Variants in PLA2G4C observed in about 807,000 individuals in gnomAD.
PLA2G4C encodes the protein phospholipase A2 group IVC, also known as cytosolic phospholipase A2 gamma.
PLA2G4C carries 64 observed loss-of-function variants against 73.8 expected under a neutral mutation model. That is an observed-to-expected ratio of 0.87 (90% CI 0.71 to 1.07). The LOEUF (loss-of-function observed/expected upper bound fraction) is 1.07. PLA2G4C is among the 50% of genes least tolerant of loss of function. The pLI, the probability that PLA2G4C is intolerant of heterozygous loss-of-function variation, is 0.00. For missense variants in PLA2G4C, 622 were observed against 665.4 expected (o/e 0.93, Z 0.72); for synonymous variants, 254 against 252.1 (o/e 1.01, Z -0.07).
intron 14 of PLA2G4C, among the ~76,000 whole-genome samples, chr19:48,057,774 G>A (rs553796281): frequency 1.1e-4 from 16 of 151,084 alleles, no homozygotes; most frequent in African/African-American, 3.6e-4. Flanking sequence ...ACAGGTGTGA[G>A]CCACCGCACC....
intron 8 of PLA2G4C, among the ~76,000 whole-genome samples, chr19:48,089,054 T>C (rs405967): frequency 0.093 from 14,166 of 152,232 alleles, 1,405 homozygotes; most frequent in African/African-American, 0.25. Flanking sequence ...CACCTTTAGT[T>C]AGCCATTTGG....
At chr19:48,061,649 G>A (rs993298160) in intron 14 of PLA2G4C, 9 of 229,434 alleles carry the variant, frequency 3.9e-5, no homozygotes, top group African/African-American at 7.0e-5. Flanking sequence ...ACACGCGCTC[G>A]GGGCTGGAGA....
rs374192040 is a variant in PLA2G4C at position 48,054,827 on chromosome 19, G to A, written c.1429+51C>T. ...TCAGGTATGTTTTTATTAGCAGTGT[G>A]AGCATGGACTAATACAGGTGGCTTC... On this transcript the variant is annotated intron_variant, in intron 15 of 16. Coordinates refer to ENST00000599921, the MANE Select transcript of PLA2G4C (RefSeq NM_003706.3). 8 of 1,504,930 alleles carry A rather than the reference G, an allele frequency of 5.3e-6. No individual in the cohort carries two copies. The African/African-American group carries it at 8.3e-5, about 16-fold the overall frequency. The allele number at this position is 1,504,930 out of a possible 1,614,324, so 93.2% of individuals were successfully genotyped here. A position where few individuals can be genotyped will look rare whatever the true frequency, so the allele number is the denominator to read the frequency against.
intron 8 of PLA2G4C, 123 bp from the exon 9 acceptor site, chr19:48,088,835 A>C (rs11564553): frequency 0.034 from 25,560 of 755,090 alleles, 543 homozygotes; most frequent in African/African-American, 0.052. Flanking sequence ...ATGGGCTCCA[A>C]TGGCAGCCAA....
At position 48,072,939 on chromosome 19, in the gene PLA2G4C, G is replaced by A. The variant is rs767144702; in HGVS notation, c.1006+1828C>T. 2 of 152,204 alleles carry A rather than the reference G, an allele frequency of 1.3e-5. No homozygotes were observed. Among genetic ancestry groups the A allele is most frequent in the Non-Finnish European group, 2.9e-5 (2 of 68,058 alleles). 9.4% of individuals were successfully genotyped at this position (152,204 alleles called of 1,614,324 possible). ...CCTGGGTCATCTCAGGAAGGCAGTG[G>A]CTTCAGCGACCAACTGTCTTCATTG... On this transcript the variant is annotated intron_variant, in intron 12 of 16. Coordinates refer to ENST00000599921, the MANE Select transcript of PLA2G4C (RefSeq NM_003706.3). This position sits in a 1 kb window ranked among gnomAD's most constrained non-coding sequence, Gnocchi z 4.4.
chr19:48,091,910 TAG>T (rs2031325260), intron 7 of PLA2G4C, among the ~76,000 whole-genome samples: 5 of 63,310 alleles, frequency 7.9e-5, no homozygotes, highest in East Asian at 4.5e-4. Context: ...AAAAAAAAAA[TAG>T]ACACACCCAT....
chr19:48,049,014 C>A (rs1283129517), intron 16 of PLA2G4C, among the ~76,000 whole-genome samples: 3 of 152,130 alleles, frequency 2.0e-5, no homozygotes, highest in African/African-American at 7.2e-5. Context: ...TTCTCTCTCT[C>A]TTGCTCTCTC....
intron 1 of PLA2G4C, among the ~76,000 whole-genome samples, chr19:48,109,501 G>A (rs2032382324): frequency 6.6e-6 from 1 of 152,042 alleles, no homozygotes; most frequent in Non-Finnish European, 1.5e-5. Context: ...TGAACTCCTA[G>A]GCTCAAGAGA....
At chr19:48,109,438 A>C (rs1266873718) in intron 1 of PLA2G4C, among the ~76,000 whole-genome samples, 6 of 151,636 alleles carry the variant, frequency 4.0e-5, no homozygotes, top group Non-Finnish European at 7.4e-5. Context: ...TCTCCAGCTA[A>C]ATTTTTTATG....
At chr19:48,055,616 A>T (rs1160115619) in intron 14 of PLA2G4C, among the ~76,000 whole-genome samples, 1 of 133,288 alleles carries the variant, frequency 7.5e-6, no homozygotes, top group Non-Finnish European at 1.6e-5. Context: ...GTGTAACAGA[A>T]ATATAATGTC....
chr19:48,050,068 T>A (rs1053129499), intron 16 of PLA2G4C, among the ~76,000 whole-genome samples: 3 of 152,126 alleles, frequency 2.0e-5, no homozygotes, highest in African/African-American at 7.2e-5. Context: ...ACTACAAGTG[T>A]GCACTACCAT....
intron 10 of PLA2G4C, among the ~76,000 whole-genome samples, chr19:48,081,204 C>G (rs2030543307): frequency 6.7e-6 from 1 of 150,126 alleles, no homozygotes; most frequent in Admixed American, 6.7e-5. Flanking sequence ...TGCCCATTGA[C>G]AAATGAGTGG....
intron 13 of PLA2G4C, among the ~76,000 whole-genome samples, chr19:48,065,370 C>T (rs1487411284): frequency 6.6e-6 from 1 of 152,012 alleles, no homozygotes. Context: ...AATCCCAGCA[C>T]TTTGGGAGGC....
intron 11 of PLA2G4C, among the ~76,000 whole-genome samples, chr19:48,075,141 G>A (rs1029194083): frequency 6.7e-6 from 1 of 150,214 alleles, no homozygotes; most frequent in African/African-American, 2.5e-5. Flanking sequence ...CAGGGTTGGA[G>A]GCAAAGTCTC....
chr19:48,075,544 T>A (rs537944449), intron 11 of PLA2G4C, among the ~76,000 whole-genome samples: 2 of 151,824 alleles, frequency 1.3e-5, no homozygotes, highest in East Asian at 3.9e-4. Context: ...TCTCTCTCTC[T>A]CACACACACA....
chr19:48,110,562 C>G lies in PLA2G4C; in HGVS notation c.-108G>C, dbSNP rs1300144278. On this transcript the variant is annotated 5_prime_UTR_variant, in exon 1 of 17. Transcript: ENST00000599921. The stretch of plus-strand genomic sequence containing the variant: ...GGAATCCGGTGCGGAGGCTTGGGCT[C>G]CCTGCGCTTAGCGGTGTAGTCGCTG... 1 of 1,473,776 alleles carries G rather than the reference C, an allele frequency of 6.8e-7. No individual in the cohort carries two copies. Among genetic ancestry groups the G allele is most frequent in the Non-Finnish European group, 9.0e-7 (1 of 1,107,314 alleles). 91.3% of individuals were successfully genotyped at this position (1,473,776 alleles called of 1,614,324 possible). A position where few individuals can be genotyped will look rare whatever the true frequency, so the allele number is the denominator to read the frequency against.
Position 48,110,531 on chromosome 19 carries a change from T to TGCTCCGGAATCCGGTGAGGAGGCTTGG in PLA2G4C, c.-78_-77insCCAAGCCTCCTCACCGGATTCCGGAGC. On this transcript the variant is annotated 5_prime_UTR_variant, in exon 1 of 17. Transcript: ENST00000599921. ...GTGTGCGCATGCGCGGTGGAGCTTG[T>TGCTCCGGAATCCGGTGAGGAGGCTTGG]GCTCCGGAATCCGGTGCGGAGGCTT... 1.4e-6 allele frequency: 2 copies of TGCTCCGGAATCCGGTGAGGAGGCTTGG among 1,386,158 alleles called. No individual in the cohort carries two copies. Among genetic ancestry groups the TGCTCCGGAATCCGGTGAGGAGGCTTGG allele is most frequent in the Non-Finnish European group, 1.9e-6 (2 of 1,049,482 alleles). 85.9% of individuals were successfully genotyped at this position (1,386,158 alleles called of 1,614,324 possible). A position where few individuals can be genotyped will look rare whatever the true frequency, so the allele number is the denominator to read the frequency against.
intron 9 of PLA2G4C, among the ~76,000 whole-genome samples, chr19:48,087,785 T>C (rs1371519237): frequency 1.3e-5 from 2 of 151,886 alleles, no homozygotes; most frequent in African/African-American, 4.8e-5. Context: ...AAATACAAAA[T>C]TAGCTGGGCA....
intron 12 of PLA2G4C, among the ~76,000 whole-genome samples, chr19:48,070,163 G>A (rs1024447576): frequency 6.6e-6 from 1 of 152,202 alleles, no homozygotes; most frequent in African/African-American, 2.4e-5. Context: ...ATAAGTAAGA[G>A]CCTGCCTATA....
Sources: gnomAD v4.1 joint callset for allele counts (sites outside exome capture counted in the v4.1 genomes callset) on GRCh38, gnomAD v4.1.1 for gene constraint, Gnocchi (gnomAD v3.1) non-coding constraint, MANE v1.5 for transcripts, NCBI Gene and HGNC (gene_info 2026-07-23, HGNC 2026-07-21) for gene names.